The following SHKBP1 variants were observed in gnomAD, a reference collection of about 807,000 sequenced individuals.
SHKBP1 encodes the protein SH3KBP1 binding protein 1.
SHKBP1 carries 71 observed loss-of-function variants against 83.9 expected under a neutral mutation model. That is an observed-to-expected ratio of 0.85 (90% CI 0.70 to 1.03). The LOEUF (loss-of-function observed/expected upper bound fraction) is 1.03, where lower values mean the gene tolerates loss of function less well. SHKBP1 is among the 50% of genes least tolerant of loss of function. The probability of loss-of-function intolerance (pLI) is 0.00; values close to 1 mark genes in which losing one functional copy is unlikely to be tolerated. For synonymous variants in SHKBP1, 371 were observed against 398.0 expected (o/e 0.93, Z 0.81); for missense variants, 824 against 982.4 (o/e 0.84, Z 2.16).
chr19:40,585,193 G>A (rs1476286162), intron 12 of SHKBP1, among the ~76,000 whole-genome samples: 1 of 152,058 alleles, frequency 6.6e-6, no homozygotes, highest in African/African-American at 2.4e-5. Context: ...TGCCACCTCC[G>A]CCACTCGGGC....
rs774842605 is a variant in SHKBP1 at position 40,590,782 on chromosome 19, G to A, written c.1821G>A (p.Leu607=). 1 of 1,602,646 alleles carries A rather than the reference G, an allele frequency of 6.2e-7. No homozygotes were observed. Among genetic ancestry groups the A allele is most frequent in the Non-Finnish European group, 8.5e-7 (1 of 1,170,798 alleles). Residue 607 remains leucine (L), a synonymous_variant, in exon 17 of 18, where the codon CTG becomes CTA. Coordinates refer to ENST00000291842, the MANE Select transcript of SHKBP1 (RefSeq NM_138392.4). This position sits in a 1 kb window ranked among gnomAD's most constrained non-coding sequence, Gnocchi z 4.6. The part of the protein sequence containing the change: ...ELMEQLEHCE[L]APPAPSAPSW... The stretch of plus-strand genomic sequence containing the variant: ...TGGAACAGCTGGAACACTGTGAGCT[G>A]GCCCCGCCGGCTCCTTCAGCTCCCT...
rs948020275 is a variant in SHKBP1, at chr19:40,577,271, T to G, written c.127T>G (p.Ser43Ala). 1 of 1,613,904 alleles carries G rather than the reference T, an allele frequency of 6.2e-7. No individual in the cohort carries two copies. The highest frequency in any genetic ancestry group is 1.3e-5 in the African/African-American group (1 of 74,874). The change falls in exon 2 of 18, where the codon TCC becomes GCC. Residue 43 changes from serine to alanine, a missense_variant. Ser to Ala is a moderately conservative substitution (Grantham distance 99). Around this residue, in one of 3 missense-constraint regions of SHKBP1, gnomAD observed 355 missense variants for 386.4 expected, o/e 0.92. Transcript: ENST00000291842. ...CCAGACTCTCACCTGGATCCCAGAC[T>G]CCTTCTTCTCCAGGTGATCGGGAGA... ...SRQTLTWIPD[S>A]FFSSLLSGRI...
At chr19:40,587,009 G>A in intron 13 of SHKBP1, 65 bp downstream of exon 13, 1 of 1,444,786 alleles carries the variant, frequency 6.9e-7, no homozygotes, top group Non-Finnish European at 9.4e-7. Flanking sequence ...GGAGACAGGA[G>A]GATGAGAATT....
chr19:40,583,783 C>T, intron 12 of SHKBP1, 66 bp downstream of exon 12: 3 of 1,252,226 alleles, frequency 2.4e-6, no homozygotes, highest in Non-Finnish European at 3.5e-6. Flanking sequence ...CTGCAGCTGT[C>T]CCCCAACTTG....
chr19:40,586,943 A>G lies in SHKBP1; in HGVS notation c.1335A>G (p.Ser445=). 6.3e-7 allele frequency: 1 copy of G among 1,595,960 alleles called. No homozygotes were observed. The highest frequency in any genetic ancestry group is 1.1e-5 in the South Asian group (1 of 90,134). ...KIMLSEKHLI[S]VCADNNHVRT... is the part of the protein sequence containing the mutation. ...TGCTGTCGGAGAAGCACCTCATCTC[A>G]GGTGAGCCTCTGTGGGGTGCTCCAG... is the stretch of plus-strand genomic sequence containing the variant. The change falls in exon 13 of 18, where the codon TCA becomes TCG. Residue 445 remains serine (S), a splice_region_variant and synonymous_variant. Transcript: ENST00000291842.
At position 40,583,687 on chromosome 19, in the gene SHKBP1, G is replaced by A. The variant is rs2081288841; in HGVS notation, c.1135G>A (p.Ala379Thr). Reference protein sequence around the residue: ...YRDPAEDGVTALSVYLTPKTS... With the variant: ...YRDPAEDGVTTLSVYLTPKTS... The stretch of plus-strand genomic sequence containing the variant: ...GGACCCAGCGGAGGATGGGGTCACC[G>A]CCCTCAGTGTCTACCTCACCCCCAA... Residue 379 changes from alanine to threonine, a missense_variant, in exon 12 of 18, where the codon GCC becomes ACC. This residue lies in a region of SHKBP1 where 182 missense variants were observed against 273.1 expected (regional missense o/e 0.67). Transcript: ENST00000291842. The A allele has an allele frequency of 3.7e-6, 6 of 1,610,176 alleles. No homozygotes were observed. The African/African-American group carries it at 5.3e-5, about 14-fold the overall frequency.
chr19:40,580,375 T>C lies in SHKBP1; in HGVS notation c.452T>C (p.Leu151Pro). The C allele has an allele frequency of 2.5e-6, 4 of 1,614,220 alleles. No homozygotes were observed. Among genetic ancestry groups the C allele is most frequent in the Non-Finnish European group, 3.4e-6 (4 of 1,180,050 alleles). ...NRHSLVGPQQ[L>P]GGRPAPVRRS... ...CACAGCCTAGTGGGGCCTCAGCAGCTAGGAGGACGGCCAGCCCCTGTCCGA... is the reference window on the plus strand; with the variant it reads ...CACAGCCTAGTGGGGCCTCAGCAGCCAGGAGGACGGCCAGCCCCTGTCCGA... Residue 151 changes from leucine to proline, a missense_variant, in exon 7 of 18, where the codon CTA becomes CCA. Physicochemically the swap from Leu to Pro is moderately conservative, Grantham distance 98. This residue lies in a region of SHKBP1 where 355 missense variants were observed against 386.4 expected (regional missense o/e 0.92). Transcript: ENST00000291842.
In SHKBP1 at chr19:40,580,547, C is replaced by G. The variant is rs766988003; in HGVS notation, c.563-19C>G. On this transcript the variant is annotated intron_variant, in intron 7 of 17. Coordinates refer to ENST00000291842, the MANE Select transcript of SHKBP1 (RefSeq NM_138392.4). ...GGGGTCCCTGTGACCCTCTTCTGAT[C>G]CCTACTCTTCCCCTCAAGGACAACC... 2 of 1,614,134 alleles carry G rather than the reference C, an allele frequency of 1.2e-6. No homozygotes were observed. The highest frequency in any genetic ancestry group is 1.7e-5 in the Admixed American group (1 of 60,010).
Position 40,580,423 on chromosome 19 carries a change from A to G in SHKBP1, c.500A>G (p.Asn167Ser), listed in dbSNP as rs116333808. 28 of 1,614,160 alleles carry G rather than the reference A, an allele frequency of 1.7e-5. No individual in the cohort carries two copies. The East Asian group carries it at 3.6e-4, about 21-fold the overall frequency. ...CGACGGAGCAACACGATGCCCCCCA[A>G]CCTTGGCAATGCAGGGCTGCTGGGC... ...PVRRSNTMPP[N>S]LGNAGLLGRM... The change falls in exon 7 of 18, where the codon AAC becomes AGC. Residue 167 changes from asparagine to serine, a missense_variant. Physicochemically the swap from Asn to Ser is conservative, Grantham distance 46. Coordinates refer to ENST00000291842, the MANE Select transcript of SHKBP1 (RefSeq NM_138392.4).
intron 6 of SHKBP1, 99 bp from the exon 7 acceptor site, chr19:40,580,225 C>A (rs2081256248): frequency 2.9e-6 from 4 of 1,394,686 alleles, no homozygotes; most frequent in Admixed American, 2.2e-5. Flanking sequence ...AGACTATGTC[C>A]CACACATGGG....
chr19:40,590,344 C>G lies in SHKBP1; in HGVS notation c.1690C>G (p.Leu564Val). The change falls in exon 16 of 18, where the codon CTG (leucine) becomes GTG (valine). Residue 564 changes from leucine to valine, a missense_variant. By Grantham distance (32) the Leu-to-Val change is conservative. Coordinates refer to ENST00000291842, the MANE Select transcript of SHKBP1 (RefSeq NM_138392.4). The surrounding 1 kb of genome is among the most constrained non-coding windows in gnomAD (Gnocchi z 4.6). Reference protein sequence around the residue: ...RRLGSRPRRYLLTGQANGSLA... With the variant: ...RRLGSRPRRYVLTGQANGSLA... ...GCTCGGCTCTCGGCCCCGGCGCTAC[C>G]TGCTCACTGGCCAGGCCAACGGCAG... The G allele has an allele frequency of 1.2e-6, 2 of 1,612,234 alleles. No individual in the cohort carries two copies. The highest frequency in any genetic ancestry group is 1.7e-4 in the Middle Eastern group (1 of 6,044).
At chr19:40,583,865 GAC>G (rs1325543201) in intron 12 of SHKBP1, 148 bp downstream of exon 12, 87 of 663,826 alleles carry the variant, frequency 1.3e-4, no homozygotes, top group Non-Finnish European at 7.0e-5. Flanking sequence ...TTCTGAGACA[GAC>G]TCTCATTCTG....
Position 40,577,649 on chromosome 19 carries a change from G to T in SHKBP1, c.260+19G>T. 1 of 1,613,826 alleles carries T rather than the reference G, an allele frequency of 6.2e-7. No homozygotes were observed. The highest frequency in any genetic ancestry group is 1.1e-5 in the South Asian group (1 of 91,074). On this transcript the variant is annotated intron_variant, in intron 4 of 17. Coordinates refer to ENST00000291842, the MANE Select transcript of SHKBP1 (RefSeq NM_138392.4). ...ATCCCAGGTTGGCATGGAAAAAGGG[G>T]AGGGAGTCCCTCACTGTCTTCAGTC...
Position 40,590,277 on chromosome 19 carries a change from C to T in SHKBP1, c.1623C>T (p.Pro541=), listed in dbSNP as rs550402674. 27 of 1,605,374 alleles carry T rather than the reference C, an allele frequency of 1.7e-5. No individual in the cohort carries two copies. In the African/African-American group the frequency reaches 3.3e-4, roughly 20 times the overall value. ...VCSVRSVDGS[P]TTAFTVLECE... is the part of the protein sequence containing the mutation. The stretch of plus-strand genomic sequence containing the variant: ...CCGTGCGCTCCGTGGACGGCTCACC[C>T]ACGACAGCCTTCACAGTGCTGGAGT... Residue 541 remains proline (P), a synonymous_variant, in exon 16 of 18, where the codon CCC becomes CCT. Coordinates refer to ENST00000291842, the MANE Select transcript of SHKBP1 (RefSeq NM_138392.4). This position sits in a 1 kb window ranked among gnomAD's most constrained non-coding sequence, Gnocchi z 4.6.
chr19:40,578,920 G>A (rs2081245364), intron 6 of SHKBP1, among the ~76,000 whole-genome samples: 1 of 152,152 alleles, frequency 6.6e-6, no homozygotes, highest in African/African-American at 2.4e-5. Context: ...GTATGCCCCA[G>A]TGGTTATTGG....
chr19:40,582,157 A>G (rs540928564), intron 9 of SHKBP1, among the ~76,000 whole-genome samples, 194 bp from the exon 10 acceptor site: 31 of 152,160 alleles, frequency 2.0e-4, no homozygotes, highest in African/African-American at 6.5e-4. Context: ...CCTGGCCTCA[A>G]ATGATCCGCC....
intron 13 of SHKBP1, among the ~76,000 whole-genome samples, chr19:40,587,502 A>C (rs2081322074): frequency 6.6e-6 from 1 of 152,106 alleles, no homozygotes; most frequent in Non-Finnish European, 1.5e-5. Context: ...GAGGGAGGAG[A>C]ATTGCTTGAA....
intron 1 of SHKBP1, 38 bp from the exon 2 acceptor site, chr19:40,577,193 C>T (rs1489198094): frequency 2.5e-6 from 4 of 1,610,942 alleles, no homozygotes; most frequent in Non-Finnish European, 3.4e-6. Flanking sequence ...TCACCCGCTC[C>T]TCTTCATCTC....
chr19:40,587,504 T>C (rs2081322089), intron 13 of SHKBP1, among the ~76,000 whole-genome samples: 1 of 152,134 alleles, frequency 6.6e-6, no homozygotes, highest in Non-Finnish European at 1.5e-5. Context: ...GGGAGGAGAA[T>C]TGCTTGAACC....
Sources: allele counts gnomAD v4.1 joint callset (sites outside exome capture counted in the v4.1 genomes callset), GRCh38; gene constraint gnomAD v4.1.1; regional missense constraint gnomAD v4.1.1; non-coding constraint Gnocchi (gnomAD v3.1); transcripts MANE v1.5; gene names NCBI Gene and HGNC (gene_info 2026-07-23, HGNC 2026-07-21).